The following SCYL3 variants were observed in gnomAD, a reference collection of about 807,000 sequenced individuals.
SCYL3 encodes SCY1 like pseudokinase 3.
In SCYL3, 35 loss-of-function variants were observed where a neutral mutation model predicts 73.8. That is an observed-to-expected ratio of 0.47 (90% CI 0.36 to 0.63). SCYL3 has a LOEUF of 0.63. Ranked by LOEUF, SCYL3 falls within the 20% of genes least tolerant of loss-of-function variation. SCYL3 has a pLI of 0.00. For synonymous variants in SCYL3, 277 were observed against 295.2 expected, an observed-to-expected ratio of 0.94 and a Z score of 0.63; for missense variants, 712 against 798.9, an observed-to-expected ratio of 0.89 and a Z score of 1.31.
At chr1:169,874,250 G>A (rs938334778) in intron 4 of SCYL3, among the ~76,000 whole-genome samples, 11 of 152,154 alleles carry the variant, frequency 7.2e-5, no homozygotes, top group Middle Eastern at 3.4e-3. Flanking sequence ...TGCTAGTTTC[G>A]AAGACTATTT....
intron 11 of SCYL3, among the ~76,000 whole-genome samples, chr1:169,858,655 C>G (rs954872100): frequency 2.6e-5 from 4 of 152,152 alleles, no homozygotes; most frequent in Non-Finnish European, 5.9e-5. Flanking sequence ...AGCATCACCA[C>G]AAACACATGA....
Position 169,854,413 on chromosome 1 carries a change from A to G in SCYL3, c.1864T>C (p.Phe622Leu), listed in dbSNP as rs1235021473. ...KPVKDPEMDW[F>L]ADMIPEIKPS... ...TTAATTTCTGGGATCATATCAGCAA[A>G]CCAATCCATCTCAGGATCTTTTACT... The change falls in exon 12 of 13, where the codon TTT becomes CTT. Residue 622 changes from phenylalanine to leucine, a missense_variant. Phe to Leu is a conservative substitution (Grantham distance 22). Coordinates refer to ENST00000367771, the MANE Select transcript of SCYL3 (RefSeq NM_020423.7). 6.2e-7 allele frequency: 1 copy of G among 1,614,082 alleles called. No homozygotes were observed. The highest frequency in any genetic ancestry group is 1.1e-5 in the South Asian group (1 of 91,080).
intron 10 of SCYL3, among the ~76,000 whole-genome samples, chr1:169,861,250 T>C (rs150500062): frequency 3.1e-4 from 47 of 152,316 alleles, no homozygotes; most frequent in African/African-American, 1.1e-3. Context: ...TTTCCAACTC[T>C]AACCGAGAGA....
intron 10 of SCYL3, among the ~76,000 whole-genome samples, chr1:169,860,836 T>C (rs1659584000): frequency 6.6e-6 from 1 of 152,230 alleles, no homozygotes; most frequent in Admixed American, 6.5e-5. Context: ...AGCTAAACTA[T>C]TCTAACAGCT....
chr1:169,865,520 G>C (rs902787962), intron 8 of SCYL3, among the ~76,000 whole-genome samples: 1 of 152,124 alleles, frequency 6.6e-6, no homozygotes, highest in Non-Finnish European at 1.5e-5. Context: ...TCCCCAACTT[G>C]ATTGCAGCTT....
intron 1 of SCYL3, among the ~76,000 whole-genome samples, chr1:169,892,455 GATTT>G (rs1189244698): frequency 6.6e-6 from 1 of 152,184 alleles, no homozygotes; most frequent in Non-Finnish European, 1.5e-5. Context: ...AGCTAAAATT[GATTT>G]ATTGAAATGT....
Position 169,852,222 on chromosome 1 carries a change from C to T in SCYL3, c.*1491G>A. ...TATAAATGCAGTCTTTACTGAACCACAGAAGAAAATGAAAGAAACTTACTC... is the reference window on the plus strand; with the variant it reads ...TATAAATGCAGTCTTTACTGAACCATAGAAGAAAATGAAAGAAACTTACTC... On this transcript the variant is annotated 3_prime_UTR_variant, in exon 13 of 13. Coordinates refer to ENST00000367771, the MANE Select transcript of SCYL3 (RefSeq NM_020423.7). 3 of 393,390 alleles carry T rather than the reference C, an allele frequency of 7.6e-6. No homozygotes were observed. The South Asian group carries it at 9.6e-5, about 13-fold the overall frequency. 24.4% of individuals were successfully genotyped at this position (393,390 alleles called of 1,614,324 possible).
intron 2 of SCYL3, among the ~76,000 whole-genome samples, chr1:169,886,956 C>G (rs1408452446): frequency 1.3e-5 from 2 of 152,158 alleles, no homozygotes; most frequent in Non-Finnish European, 2.9e-5. Flanking sequence ...GTGTGACCAA[C>G]AACCCAAACT....
At chr1:169,866,669 C>T (rs1157742435) in intron 8 of SCYL3, among the ~76,000 whole-genome samples, 1 of 152,192 alleles carries the variant, frequency 6.6e-6, no homozygotes, top group Non-Finnish European at 1.5e-5. Context: ...CTTCCAAAAG[C>T]TCTACTGTAC....
intron 9 of SCYL3, 120 bp from the exon 10 acceptor site, chr1:169,862,917 C>G (rs1659766908): frequency 3.2e-6 from 3 of 942,454 alleles, no homozygotes; most frequent in African/African-American, 1.7e-5. Context: ...CTTCTAAATT[C>G]TTTTTTTCTT....
intron 11 of SCYL3, among the ~76,000 whole-genome samples, chr1:169,856,649 A>G (rs1219993634): frequency 2.0e-5 from 3 of 152,028 alleles, no homozygotes; most frequent in Non-Finnish European, 1.5e-5. Flanking sequence ...TTGTGCCACT[A>G]TCCTCCTTGA....
rs541459379 is a variant in SCYL3, at chr1:169,885,381, C to T, written c.165+3295G>A. Among the ~76,000 whole-genome samples, 19 of 152,216 alleles carry T rather than the reference C, an allele frequency of 1.2e-4. No homozygotes were observed. The South Asian group carries it at 2.7e-3, about 22-fold the overall frequency. On this transcript the variant is annotated intron_variant, in intron 2 of 12. Coordinates refer to ENST00000367771, the MANE Select transcript of SCYL3 (RefSeq NM_020423.7). ...TTTTATTGTTGTTCTGCCTCTGATTCGCTATTTCACTTTGAGAACTATGCA... is the reference window on the plus strand; with the variant it reads ...TTTTATTGTTGTTCTGCCTCTGATTTGCTATTTCACTTTGAGAACTATGCA...
At chr1:169,888,952 T>C (rs1661867243) in intron 1 of SCYL3, 62 bp from the exon 2 acceptor site, 44 of 918,120 alleles carry the variant, frequency 4.8e-5, no homozygotes, top group Non-Finnish European at 6.5e-5. Flanking sequence ...CAACAAGAGA[T>C]ATCCAGACAT....
intron 2 of SCYL3, among the ~76,000 whole-genome samples, chr1:169,885,557 T>C (rs1274668116): frequency 6.6e-6 from 1 of 152,008 alleles, no homozygotes; most frequent in Non-Finnish European, 1.5e-5. Context: ...AAAATATTAT[T>C]CCTTTTTCTC....
intron 11 of SCYL3, among the ~76,000 whole-genome samples, chr1:169,858,553 CATTTGTT>C (rs1392293908): frequency 6.6e-6 from 1 of 151,770 alleles, no homozygotes; most frequent in African/African-American, 2.4e-5. Context: ...GTTACATAGT[CATTTGTT>C]ATCATTACCA....
At position 169,878,675 on chromosome 1, in the gene SCYL3, T is replaced by A. The variant is rs1225627476; in HGVS notation, c.310A>T (p.Ile104Phe). The change falls in exon 3 of 13, where the codon ATC becomes TTC. Residue 104 changes from isoleucine to phenylalanine, a missense_variant. Ile to Phe is a conservative substitution (Grantham distance 21). This residue lies in a region of SCYL3 where 342 missense variants were observed against 448.1 expected (regional missense o/e 0.76). Transcript: ENST00000367771. ...TLSSAEVCAGIYDILLALIFL... is the reference protein window; with the variant it reads ...TLSSAEVCAGFYDILLALIFL... Reference sequence around the variant, plus strand: ...ATAAGAGCCAGCAATATGTCATAGATCCCAGCACAGACCTCTGCAGAAGAC... The same window carrying A: ...ATAAGAGCCAGCAATATGTCATAGAACCCAGCACAGACCTCTGCAGAAGAC... The A allele has an allele frequency of 1.2e-6, 2 of 1,614,088 alleles. No homozygotes were observed. Among genetic ancestry groups the A allele is most frequent in the African/African-American group, 1.3e-5 (1 of 75,040 alleles).
In SCYL3 at chr1:169,853,182, C is replaced by G. The variant is rs1030841909; in HGVS notation, c.*531G>C. 1.6e-6 allele frequency: 1 copy of G among 607,374 alleles called. No homozygotes were observed. Among genetic ancestry groups the G allele is most frequent in the African/African-American group, 1.9e-5 (1 of 53,884 alleles). 37.6% of individuals were successfully genotyped at this position (607,374 alleles called of 1,614,324 possible). A position where few individuals can be genotyped will look rare whatever the true frequency, so the allele number is the denominator to read the frequency against. On this transcript the variant is annotated 3_prime_UTR_variant, in exon 13 of 13. Coordinates refer to ENST00000367771, the MANE Select transcript of SCYL3 (RefSeq NM_020423.7). ...TTGGTACAATGTACTACATGTGGAACAGTCAGGAACTGCCTAGGTCCACAA... is the reference window on the plus strand; with the variant it reads ...TTGGTACAATGTACTACATGTGGAAGAGTCAGGAACTGCCTAGGTCCACAA...
chr1:169,855,973 A>C (rs1297008240), intron 11 of SCYL3: 2 of 1,606,354 alleles, frequency 1.2e-6, no homozygotes, highest in South Asian at 2.2e-5. Flanking sequence ...GGTAAATAAA[A>C]ACTCCAAAAC....
At position 169,852,863 on chromosome 1, in the gene SCYL3, G is replaced by C. The variant is rs1425488389; in HGVS notation, c.*850C>G. 1.7e-5 allele frequency: 28 copies of C among 1,613,982 alleles called. No homozygotes were observed. Among genetic ancestry groups the C allele is most frequent in the Non-Finnish European group, 2.3e-5 (27 of 1,179,994 alleles). On this transcript the variant is annotated 3_prime_UTR_variant, in exon 13 of 13. Transcript: ENST00000367771. ...AGGTCAGCGCTGCATACAATAGCAG[G>C]GGCTTTGGAAGCAACTGAGTCACTA... is the stretch of plus-strand genomic sequence containing the variant.
Sources: gnomAD v4.1 joint callset for allele counts (sites outside exome capture counted in the v4.1 genomes callset) on GRCh38, gnomAD v4.1.1 for gene constraint, gnomAD v4.1.1 regional missense constraint, MANE v1.5 for transcripts, NCBI Gene and HGNC (gene_info 2026-07-23, HGNC 2026-07-21) for gene names.